Variants in PCDHGA7 observed in about 807,000 individuals in gnomAD.
PCDHGA7 encodes protocadherin gamma-A7.
In PCDHGA7, 44 loss-of-function variants were observed where a neutral mutation model predicts 58.3. The ratio of observed to expected loss-of-function variants is 0.75; its 90% CI spans 0.59 to 0.97. The LOEUF is 0.97. PCDHGA7 is among the 50% of genes least tolerant of loss of function. PCDHGA7 has a pLI of 0.00. For synonymous variants in PCDHGA7, 516 were observed against 504.2 expected, an observed-to-expected ratio of 1.02 and a Z score of -0.31; for missense variants, 1,266 against 1,188.7, an observed-to-expected ratio of 1.06 and a Z score of -0.96.
chr5:141,409,725 G>A (rs1416188591), intron 1 of PCDHGA7: 1 of 1,613,172 alleles, frequency 6.2e-7, no homozygotes, highest in Non-Finnish European at 8.5e-7. Context: ...GTGTCAGTGA[G>A]CGCGCAGAGC....
chr5:141,414,647 T>C (rs1369045439), intron 1 of PCDHGA7: 3 of 1,613,926 alleles, frequency 1.9e-6, no homozygotes, highest in South Asian at 2.2e-5. Flanking sequence ...AATGCCCAGA[T>C]TATTTACTCC....
chr5:141,404,133 T>C, intron 1 of PCDHGA7: 1 of 1,613,108 alleles, frequency 6.2e-7, no homozygotes, highest in Non-Finnish European at 8.5e-7. Flanking sequence ...TCTTTTACAT[T>C]AGAAAATTCA....
At chr5:141,408,019 A>G (rs1589652051) in intron 1 of PCDHGA7, 1 of 1,031,592 alleles carries the variant, frequency 9.7e-7, no homozygotes, top group Admixed American at 3.2e-5. Context: ...GCAGCCAACA[A>G]CAGAAAGAAG....
At chr5:141,408,188 G>A in intron 1 of PCDHGA7, 6 of 1,543,620 alleles carry the variant, frequency 3.9e-6, no homozygotes, top group Non-Finnish European at 4.4e-6. Flanking sequence ...GACCCAGCGA[G>A]AACCCGAGCG....
At position 141,511,108 on chromosome 5, in the gene PCDHGA7, G is replaced by A; in HGVS notation, c.2734G>A (p.Asp912Asn). The A allele has an allele frequency of 6.2e-7, 1 of 1,614,244 alleles. No homozygotes were observed. The highest frequency in any genetic ancestry group is 2.2e-5 in the East Asian group (1 of 44,882). Residue 912 changes from aspartate (D) to asparagine (N), a missense_variant, in exon 4 of 4, where the codon GAT (aspartate) becomes AAT (asparagine). Physicochemically the swap from Asp to Asn is conservative, Grantham distance 23. Coordinates refer to ENST00000518325, the MANE Select transcript of PCDHGA7 (RefSeq NM_018920.4). ...ATLTNAAGKR[D>N]GKAPAGGNGN... Reference sequence around the variant, plus strand: ...ACTGACCAACGCAGCTGGCAAGCGGGATGGCAAGGCCCCAGCAGGTGGCAA... The same window carrying A: ...ACTGACCAACGCAGCTGGCAAGCGGAATGGCAAGGCCCCAGCAGGTGGCAA...
At position 141,481,036 on chromosome 5, in the gene PCDHGA7, C is replaced by T. The variant is rs1040377549; in HGVS notation, c.2425-13771C>T. Among the ~76,000 whole-genome samples, 19 of 151,964 alleles carry T rather than the reference C, an allele frequency of 1.3e-4. 1 individual carries two copies. The highest frequency in any genetic ancestry group is 3.4e-4 in the African/African-American group (14 of 41,456). ...TCACACCACTGCACTCCAGCCTGGG[C>T]GACAGAGCGAGACTCCACCTCAAAA... is the stretch of plus-strand genomic sequence containing the variant. On this transcript the variant is annotated intron_variant, in intron 1 of 3. Transcript: ENST00000518325.
intron 1 of PCDHGA7, among the ~76,000 whole-genome samples, chr5:141,481,620 C>G (rs1449979532): frequency 6.6e-6 from 1 of 152,112 alleles, no homozygotes; most frequent in African/African-American, 2.4e-5. Context: ...GAGTTCAAGA[C>G]CGGCCTGGCC....
chr5:141,477,817 C>G lies in PCDHGA7; in HGVS notation c.2425-16990C>G, dbSNP rs1593824080. 2 of 1,614,138 alleles carry G rather than the reference C, an allele frequency of 1.2e-6. No individual in the cohort carries two copies. The highest frequency in any genetic ancestry group is 8.5e-7 in the Non-Finnish European group (1 of 1,180,038). ...ATCGCAATGACAATGCCCCCCAGGT[C>G]CTATATCCTCGGCCAGGTGGGAGCT... is the stretch of plus-strand genomic sequence containing the variant. On this transcript the variant is annotated intron_variant, in intron 1 of 3. Coordinates refer to ENST00000518325, the MANE Select transcript of PCDHGA7 (RefSeq NM_018920.4). This position sits in a 1 kb window ranked among gnomAD's most constrained non-coding sequence, Gnocchi z 4.9.
chr5:141,453,700 G>T (rs953445370), intron 1 of PCDHGA7, among the ~76,000 whole-genome samples: 1 of 152,166 alleles, frequency 6.6e-6, no homozygotes, highest in East Asian at 1.9e-4. Flanking sequence ...TCCTGGCTTT[G>T]AACAGTTTCA....
chr5:141,409,292 A>G, intron 1 of PCDHGA7: 1 of 1,614,012 alleles, frequency 6.2e-7, no homozygotes, highest in Admixed American at 1.7e-5. Flanking sequence ...ACCTCCAGGA[A>G]TGGTTGTTGC....
chr5:141,485,151 T>G lies in PCDHGA7; in HGVS notation c.2425-9656T>G. The G allele has an allele frequency of 2.5e-6, 4 of 1,584,876 alleles. No individual in the cohort carries two copies. Among genetic ancestry groups the G allele is most frequent in the Non-Finnish European group, 3.5e-6 (4 of 1,156,528 alleles). ...GCTTCATCCGCGTCTCAGGAGCAAG[T>G]AGAGAATTAGCGGGCGGCAGCAATG... On this transcript the variant is annotated intron_variant, in intron 1 of 3. Coordinates refer to ENST00000518325, the MANE Select transcript of PCDHGA7 (RefSeq NM_018920.4). The surrounding 1 kb of genome is among the most constrained non-coding windows in gnomAD (Gnocchi z 5.7).
chr5:141,426,978 G>A (rs1383521288), intron 1 of PCDHGA7: 1 of 456,770 alleles, frequency 2.2e-6, no homozygotes, highest in Non-Finnish European at 4.4e-6. Flanking sequence ...TGAGGTCACT[G>A]ATGCCAACGA....
rs766222030 is a variant in PCDHGA7 at position 141,383,350 on chromosome 5, C to CG, written c.453dup (p.Phe152ValfsTer37). On this transcript the variant is annotated frameshift_variant, in exon 1 of 4. Coordinates refer to ENST00000518325, the MANE Select transcript of PCDHGA7 (RefSeq NM_018920.4). LOFTEE classifies it high-confidence loss of function. The stretch of plus-strand genomic sequence containing the variant: ...AATGGAGAATACAGCTCCTGGGGTT[C>CG]GGTTTCCGTTAAGCGAGGCTGGGGA... 7 of 1,613,870 alleles carry CG rather than the reference C, an allele frequency of 4.3e-6. No homozygotes were observed. The highest frequency in any genetic ancestry group is 5.9e-6 in the Non-Finnish European group (7 of 1,179,908).
At position 141,477,460 on chromosome 5, in the gene PCDHGA7, C is replaced by T; in HGVS notation, c.2425-17347C>T. 6.2e-7 allele frequency: 1 copy of T among 1,614,132 alleles called. No individual in the cohort carries two copies. Among genetic ancestry groups the T allele is most frequent in the Non-Finnish European group, 8.5e-7 (1 of 1,180,020 alleles). On this transcript the variant is annotated intron_variant, in intron 1 of 3. Transcript: ENST00000518325. The surrounding 1 kb of genome is among the most constrained non-coding windows in gnomAD (Gnocchi z 4.9). ...TTACAATAGTGCGTGTTCAAGTGTC[C>T]GACATCAATGACAACCCTCCACAAT...
chr5:141,422,197 G>C, intron 1 of PCDHGA7: 1 of 1,562,284 alleles, frequency 6.4e-7, no homozygotes, highest in Non-Finnish European at 8.6e-7. Flanking sequence ...TCAAGGCCAA[G>C]ATGGTGGAGG....
intron 1 of PCDHGA7, chr5:141,399,214 G>A: frequency 6.2e-7 from 1 of 1,613,956 alleles, no homozygotes; most frequent in African/African-American, 1.3e-5. Context: ...AACACTAATT[G>A]CTTTGATCAA....
intron 1 of PCDHGA7, chr5:141,403,068 C>G (rs1178674622): frequency 6.2e-7 from 1 of 1,614,064 alleles, no homozygotes; most frequent in Admixed American, 1.7e-5. Context: ...CCTGAAGAGA[C>G]AGAAAAGGGC....
rs1178458180 is a variant in PCDHGA7 at position 141,384,264 on chromosome 5, A to G, written c.1365A>G (p.Ser455=). The G allele has an allele frequency of 5.0e-6, 8 of 1,613,664 alleles. No individual in the cohort carries two copies. The African/African-American group carries it at 8.0e-5, about 16-fold the overall frequency. Residue 455 remains serine (S), a synonymous_variant, in exon 1 of 4, where the codon TCA becomes TCG. Transcript: ENST00000518325. ...TNDNPPTFPH[S]SYSVYIAENN... ...ATAACCCACCCACCTTCCCCCACTCATCCTACTCAGTCTACATCGCTGAGA... is the reference window on the plus strand; with the variant it reads ...ATAACCCACCCACCTTCCCCCACTCGTCCTACTCAGTCTACATCGCTGAGA...
rs530194567 is a variant in PCDHGA7, at chr5:141,417,884, C to G, written c.2424+32561C>G. On this transcript the variant is annotated intron_variant, in intron 1 of 3. Transcript: ENST00000518325. ...GATGGGAGGGAGCTGCGCGCAGAGG[C>G]GCCGGGCCGGCCCGCGGCAGGTACT... 2.1e-4 allele frequency: 327 copies of G among 1,561,600 alleles called. No individual in the cohort carries two copies. In the South Asian group the frequency reaches 3.4e-3, roughly 16 times the overall value.
Sources: allele counts gnomAD v4.1 joint callset (sites outside exome capture counted in the v4.1 genomes callset), GRCh38; gene constraint gnomAD v4.1.1; non-coding constraint Gnocchi (gnomAD v3.1); transcripts MANE v1.5; gene names NCBI Gene and HGNC (gene_info 2026-07-23, HGNC 2026-07-21).